ARHGAP31: variants seen among roughly 807,000 people sequenced by gnomAD.
ARHGAP31 encodes the protein Rho GTPase activating protein 31, also known as rho GTPase-activating protein 31.
Under a neutral mutation model 113.9 loss-of-function variants are expected in ARHGAP31, and 34 were observed. The observed-to-expected ratio is 0.30, with a 90% confidence interval of 0.23 to 0.40. The LOEUF (loss-of-function observed/expected upper bound fraction) is 0.40. ARHGAP31 is among the 10% of genes least tolerant of loss of function. The pLI is 1.00. For missense variants in ARHGAP31, 1,548 were observed against 1,767.1 expected, an observed-to-expected ratio of 0.88 and a Z score of 2.22; for synonymous variants, 650 against 684.8, an observed-to-expected ratio of 0.95 and a Z score of 0.79.
At position 119,402,381 on chromosome 3, in the gene ARHGAP31, A is replaced by G. The variant is rs747349341; in HGVS notation, c.1629A>G (p.Gly543=). The G allele has an allele frequency of 1.9e-6, 3 of 1,613,376 alleles. No individual in the cohort carries two copies. The Admixed American group carries it at 5.0e-5, about 27-fold the overall frequency. ...GGWPEEEKPL[G]AETSAASVPK... is the part of the protein sequence containing the mutation. ...GGCCAGAAGAAGAGAAACCGCTGGG[A>G]GCTGAGACTTCTGCAGGTAAGTAGA... The change falls in exon 10 of 12, where the codon GGA becomes GGG. Residue 543 remains glycine (G), a synonymous_variant. Transcript: ENST00000264245.
chr3:119,392,571 C>T (rs1453170765), intron 7 of ARHGAP31, among the ~76,000 whole-genome samples: 5 of 152,234 alleles, frequency 3.3e-5, no homozygotes, highest in African/African-American at 4.8e-5. Context: ...AAACTTCATA[C>T]ATTCCAATGG....
intron 1 of ARHGAP31, among the ~76,000 whole-genome samples, chr3:119,344,314 C>T (rs1178521501): frequency 6.6e-6 from 1 of 152,144 alleles, no homozygotes; most frequent in Non-Finnish European, 1.5e-5. Flanking sequence ...CCCGTGTTTC[C>T]GTCTGAAACC....
intron 6 of ARHGAP31, 144 bp from the exon 7 acceptor site, chr3:119,390,641 C>T (rs763806605): frequency 2.2e-4 from 199 of 895,588 alleles, no homozygotes; most frequent in Non-Finnish European, 2.9e-4. Context: ...GCCTCAGCCC[C>T]AGGCCCCACC....
rs193246446 is a variant in ARHGAP31 at position 119,363,132 on chromosome 3, G to T, written c.101-2184G>T. On this transcript the variant is annotated intron_variant, in intron 1 of 11. Transcript: ENST00000264245. Reference sequence around the variant, plus strand: ...GAATCTGCACTCTCAACCATAGACTGTGTGGTGGCAGGTTACCGAACAGTG... The same window carrying T: ...GAATCTGCACTCTCAACCATAGACTTTGTGGTGGCAGGTTACCGAACAGTG... Among the ~76,000 whole-genome samples, 387 of 152,326 alleles carry T rather than the reference G, an allele frequency of 2.5e-3. 1 individual carries two copies. Among genetic ancestry groups the T allele is most frequent in the African/African-American group, 7.7e-3 (322 of 41,568 alleles).
intron 1 of ARHGAP31, among the ~76,000 whole-genome samples, chr3:119,337,485 A>T (rs557929027): frequency 6.6e-6 from 1 of 152,176 alleles, no homozygotes; most frequent in Non-Finnish European, 1.5e-5. Context: ...CAAAAGAACA[A>T]AGCTTCCACA....
chr3:119,327,930 G>C (rs533816317), intron 1 of ARHGAP31, among the ~76,000 whole-genome samples: 1 of 152,154 alleles, frequency 6.6e-6, no homozygotes, highest in Non-Finnish European at 1.5e-5. Flanking sequence ...AATCCATCTT[G>C]CTACTGTTTA....
At chr3:119,339,177 C>T (rs2079986764) in intron 1 of ARHGAP31, among the ~76,000 whole-genome samples, 1 of 152,112 alleles carries the variant, frequency 6.6e-6, no homozygotes, top group African/African-American at 2.4e-5. Flanking sequence ...CAGCAACACA[C>T]AGCATGAGTG....
At chr3:119,381,052 G>A in intron 4 of ARHGAP31, 66 bp downstream of exon 4, 2 of 1,470,702 alleles carry the variant, frequency 1.4e-6, no homozygotes, top group East Asian at 2.3e-5. Context: ...GAGACAGGCT[G>A]GCATCATGGA....
intron 2 of ARHGAP31, among the ~76,000 whole-genome samples, chr3:119,367,261 T>C (rs1266636876): frequency 1.3e-5 from 2 of 152,196 alleles, no homozygotes; most frequent in East Asian, 3.8e-4. Context: ...GAGAGTACTG[T>C]TGACTTTGTC....
intron 1 of ARHGAP31, chr3:119,314,663 G>T (rs1055324913): frequency 6.6e-6 from 1 of 152,510 alleles, no homozygotes; most frequent in South Asian, 2.1e-4. Context: ...GACTGTGGAG[G>T]TGGCGAAGGG....
intron 1 of ARHGAP31, among the ~76,000 whole-genome samples, chr3:119,330,748 T>A (rs2107606943): frequency 6.6e-6 from 1 of 152,332 alleles, no homozygotes; most frequent in Admixed American, 6.5e-5. Flanking sequence ...TCCTCCTTTA[T>A]CTCTTTATCA....
chr3:119,319,458 T>C (rs937909166), intron 1 of ARHGAP31, among the ~76,000 whole-genome samples: 2 of 152,158 alleles, frequency 1.3e-5, no homozygotes, highest in Non-Finnish European at 2.9e-5. Context: ...CCACGGTACA[T>C]TATAGCATAA....
intron 11 of ARHGAP31, among the ~76,000 whole-genome samples, chr3:119,411,367 G>A (rs1348164987): frequency 6.6e-6 from 1 of 151,248 alleles, no homozygotes; most frequent in East Asian, 2.0e-4. Flanking sequence ...TGGGGCCATG[G>A]GGATAGAAAT....
At chr3:119,316,771 ACT>A (rs1216337098) in intron 1 of ARHGAP31, among the ~76,000 whole-genome samples, 1 of 152,144 alleles carries the variant, frequency 6.6e-6, no homozygotes, top group Non-Finnish European at 1.5e-5. Flanking sequence ...CAGCCAAAGA[ACT>A]CTGCTTCTTT....
chr3:119,294,623 T>TC lies in ARHGAP31; in HGVS notation c.-280dup. ...AGGAGCCTGTGAAAGTCCCTAGGAC[T>TC]CCAAGTGAGGAAGTGACACTCCCAG... is the stretch of plus-strand genomic sequence containing the variant. On this transcript the variant is annotated 5_prime_UTR_variant, in exon 1 of 12. Coordinates refer to ENST00000264245, the MANE Select transcript of ARHGAP31 (RefSeq NM_020754.4). The TC allele has an allele frequency of 1.8e-6, 1 of 557,756 alleles. No individual in the cohort carries two copies. Among genetic ancestry groups the TC allele is most frequent in the Non-Finnish European group, 3.1e-6 (1 of 320,918 alleles). The allele number at this position is 557,756 out of a possible 1,614,324, so 34.6% of individuals were successfully genotyped here.
intron 1 of ARHGAP31, among the ~76,000 whole-genome samples, chr3:119,303,294 G>C (rs2079601263): frequency 6.6e-6 from 1 of 152,178 alleles, no homozygotes; most frequent in Non-Finnish European, 1.5e-5. Flanking sequence ...GGATTATCAG[G>C]AATCCAATTG....
intron 1 of ARHGAP31, among the ~76,000 whole-genome samples, chr3:119,332,625 TCTCTCTCTCTCACACACACA>T (rs1377917494): frequency 1.3e-4 from 15 of 119,858 alleles, no homozygotes; most frequent in African/African-American, 5.7e-4. Flanking sequence ...TCTCTCTCTC[TCTCTCTCTCTCACACACACA>T]CACACACACA....
chr3:119,406,937 G>A (rs949228641), intron 10 of ARHGAP31, among the ~76,000 whole-genome samples: 7 of 152,040 alleles, frequency 4.6e-5, no homozygotes, highest in South Asian at 2.1e-4. Context: ...CTTTTCCTCC[G>A]TCCCTCTCAC....
chr3:119,310,723 G>A (rs62265237), intron 1 of ARHGAP31, among the ~76,000 whole-genome samples: 64,036 of 151,992 alleles, frequency 0.42, 13,701 homozygotes, highest in South Asian at 0.46. Flanking sequence ...CTGGTGCCAA[G>A]AAGGTTGGGG....
Sources: gnomAD v4.1 joint callset for allele counts (sites outside exome capture counted in the v4.1 genomes callset) on GRCh38, gnomAD v4.1.1 for gene constraint, MANE v1.5 for transcripts, NCBI Gene and HGNC (gene_info 2026-07-23, HGNC 2026-07-21) for gene names.